Variants in KANSL1 observed in about 807,000 individuals in gnomAD.
KANSL1 encodes MLL1/MLL complex subunit KANSL1.
In KANSL1, 22 loss-of-function variants were observed where a neutral mutation model predicts 103.6. That is an observed-to-expected ratio of 0.21 (90% CI 0.15 to 0.30). The LOEUF (loss-of-function observed/expected upper bound fraction) is 0.30. Among genes scored for constraint, KANSL1 ranks in the 10% least tolerant of loss-of-function variants. KANSL1 has a pLI of 1.00. For synonymous variants in KANSL1, 600 were observed against 527.6 expected, an observed-to-expected ratio of 1.14 and a Z score of -1.88; for missense variants, 1,337 against 1,399.8, an observed-to-expected ratio of 0.96 and a Z score of 0.72.
rs927360678 is a variant in KANSL1 at position 46,038,575 on chromosome 17, G to A, written c.2504C>T (p.Pro835Leu). ...TGTAACCTGTGAGCTAGAGCTGGCG[G>A]GTGCAGGGGAATCTGAGGAGGTGGA... is the stretch of plus-strand genomic sequence containing the variant. ...QLSTSSDSPAPASSSSQVTAS... is the reference protein window; with the variant it reads ...QLSTSSDSPALASSSSQVTAS... Residue 835 changes from proline (P) to leucine (L), a missense_variant, in exon 10 of 15, where the codon CCC becomes CTC. Physicochemically the swap from Pro to Leu is moderately conservative, Grantham distance 98 (BLOSUM62 -3). This residue lies in a region of KANSL1 where 780 missense variants were observed against 923.4 expected (regional missense o/e 0.84). Coordinates refer to ENST00000432791, the MANE Select transcript of KANSL1 (RefSeq NM_015443.4). The A allele has an allele frequency of 3.7e-6, 6 of 1,614,132 alleles. No homozygotes were observed. Among genetic ancestry groups the A allele is most frequent in the South Asian group, 2.2e-5 (2 of 91,080 alleles).
intron 6 of KANSL1, among the ~76,000 whole-genome samples, chr17:46,054,432 C>T (rs79180862): frequency 0.14 from 21,805 of 152,240 alleles, 2,134 homozygotes; most frequent in Non-Finnish European, 0.22. Context: ...AAGTCACTAT[C>T]TTTTCTCAAA....
rs17575822 is a variant in KANSL1, at chr17:46,066,979, A to G, written c.1653-247T>C. Among the ~76,000 whole-genome samples, 21,801 of 152,270 alleles carry G rather than the reference A, an allele frequency of 0.14. 2,131 individuals carry two copies. Among genetic ancestry groups the G allele is most frequent in the Non-Finnish European group, 0.22 (14,748 of 67,994 alleles). ...CATCATGTCTGAAAGATAAAAGTCA[A>G]TAAATAAACTCAAGTTCTAGTGATT... On this transcript the variant is annotated intron_variant, in intron 5 of 14. Coordinates refer to ENST00000432791, the MANE Select transcript of KANSL1 (RefSeq NM_015443.4).
intron 1 of KANSL1, among the ~76,000 whole-genome samples, chr17:46,190,772 C>G (rs1387126379): frequency 6.6e-6 from 1 of 152,222 alleles, no homozygotes; most frequent in African/African-American, 2.4e-5. Context: ...GTCGAAGGAA[C>G]GGCACACTTT....
chr17:46,175,416 C>T (rs781134397), intron 1 of KANSL1, among the ~76,000 whole-genome samples: 2 of 151,626 alleles, frequency 1.3e-5, no homozygotes, highest in African/African-American at 4.9e-5. Context: ...GTGGCGTGAT[C>T]TCGGCTCACT....
intron 1 of KANSL1, among the ~76,000 whole-genome samples, chr17:46,203,934 G>A (rs1344350505): frequency 1.3e-5 from 2 of 152,184 alleles, no homozygotes; most frequent in Non-Finnish European, 2.9e-5. Flanking sequence ...CTAGCTACTT[G>A]GGAGGCTGAG....
At chr17:46,210,268 A>G (rs963698400) in intron 1 of KANSL1, among the ~76,000 whole-genome samples, 1 of 152,090 alleles carries the variant, frequency 6.6e-6, no homozygotes, top group African/African-American at 2.4e-5. Context: ...AGGTCAGGAG[A>G]TCGAGACCAT....
At chr17:46,160,215 C>T (rs2045657716) in intron 2 of KANSL1, among the ~76,000 whole-genome samples, 1 of 152,138 alleles carries the variant, frequency 6.6e-6, no homozygotes, top group African/African-American at 2.4e-5. Flanking sequence ...AATACTAATT[C>T]CTTTCTTTTC....
In KANSL1 at chr17:46,105,945, A is replaced by ACC. The variant is rs1255596930; in HGVS notation, c.1290-11245_1290-11244insGG. 4.4e-5 allele frequency among the ~76,000 whole-genome samples: 4 copies of ACC among 90,284 alleles called. No individual in the cohort carries two copies. In the East Asian group the frequency reaches 9.8e-4, roughly 22 times the overall value. 59.2% of individuals were successfully genotyped at this position (90,284 alleles called of 152,430 possible). On this transcript the variant is annotated intron_variant, in intron 2 of 14. Transcript: ENST00000432791. ...CACACACACACACACACACACACAC[A>ACC]CACCCCCCCAGAAGGGTGAAGGAGC...
chr17:46,166,671 G>C (rs1008315865), intron 2 of KANSL1, among the ~76,000 whole-genome samples: 4 of 152,120 alleles, frequency 2.6e-5, no homozygotes, highest in African/African-American at 9.7e-5. Context: ...ACAAAACACA[G>C]GTTAGCATAA....
At chr17:46,062,110 CAAACAAACAAAAAAAAAA>C (rs1358034453) in intron 6 of KANSL1, among the ~76,000 whole-genome samples, 412 of 22,260 alleles carry the variant, frequency 0.019, 5 homozygotes, top group African/African-American at 0.052. Context: ...AAAAAAAAAA[CAAACAAACAAAAAAAAAA>C]AAAAAACATG....
intron 2 of KANSL1, among the ~76,000 whole-genome samples, chr17:46,108,505 T>C (rs986247911): frequency 2.6e-5 from 4 of 152,228 alleles, no homozygotes; most frequent in African/African-American, 9.7e-5. Context: ...TCATGAAAAT[T>C]ATTTTTAATT....
chr17:46,171,323 A>G lies in KANSL1; in HGVS notation c.821T>C (p.Leu274Pro), dbSNP rs1344372617. 3.1e-6 allele frequency: 5 copies of G among 1,614,072 alleles called. No individual in the cohort carries two copies. The highest frequency in any genetic ancestry group is 3.3e-5 in the Admixed American group (2 of 60,006). ...EGKKSPLSSI[L>P]FSALDSDTRI... ...TGTGTCAGAATCTAAAGCACTGAAA[A>G]GAATGGAAGACAGGGGAGACTTTTT... Residue 274 changes from leucine (L) to proline (P), a missense_variant, in exon 2 of 15, where the codon CTT becomes CCT. Around this residue, in one of 2 missense-constraint regions of KANSL1, gnomAD observed 557 missense variants for 476.4 expected, o/e 1.17. Coordinates refer to ENST00000432791, the MANE Select transcript of KANSL1 (RefSeq NM_015443.4).
intron 3 of KANSL1, among the ~76,000 whole-genome samples, chr17:46,085,024 AT>A (rs1459492060): frequency 6.6e-6 from 1 of 152,156 alleles, no homozygotes; most frequent in African/African-American, 2.4e-5. Flanking sequence ...GCCAAAAATC[AT>A]TTTATTATTC....
At chr17:46,139,294 G>GC (rs149448126) in intron 2 of KANSL1, among the ~76,000 whole-genome samples, 44 of 118,026 alleles carry the variant, frequency 3.7e-4, no homozygotes, top group Non-Finnish European at 5.4e-4. Flanking sequence ...TCTTTCATAG[G>GC]CCAAAAAAAA....
At chr17:46,199,328 C>CTA (rs2047718541) in intron 1 of KANSL1, among the ~76,000 whole-genome samples, 1 of 152,226 alleles carries the variant, frequency 6.6e-6, no homozygotes, top group Non-Finnish European at 1.5e-5. Flanking sequence ...CTAAACCATA[C>CTA]TACCTATTTC....
intron 1 of KANSL1, among the ~76,000 whole-genome samples, chr17:46,220,966 G>T (rs1243259346): frequency 1.3e-5 from 2 of 151,658 alleles, no homozygotes; most frequent in Non-Finnish European, 2.9e-5. Flanking sequence ...GGGATTACAC[G>T]TGTGAGCCAC....
intron 1 of KANSL1, chr17:46,192,613 G>C (rs1483454664): frequency 6.5e-6 from 1 of 153,048 alleles, no homozygotes; most frequent in Non-Finnish European, 1.5e-5. Flanking sequence ...AAGGGCCCCC[G>C]CACACCCCCG....
At chr17:46,216,684 C>A (rs1384752145) in intron 1 of KANSL1, among the ~76,000 whole-genome samples, 2 of 151,982 alleles carry the variant, frequency 1.3e-5, no homozygotes, top group African/African-American at 2.4e-5. Flanking sequence ...TAATCTACTT[C>A]TTTAAGTCAT....
intron 2 of KANSL1, among the ~76,000 whole-genome samples, chr17:46,140,379 T>A (rs1371846188): frequency 6.6e-6 from 1 of 152,116 alleles, no homozygotes. Flanking sequence ...GATTCCTACC[T>A]CACACCATAC....
Sources: allele counts gnomAD v4.1 joint callset (sites outside exome capture counted in the v4.1 genomes callset), GRCh38; gene constraint gnomAD v4.1.1; regional missense constraint gnomAD v4.1.1; transcripts MANE v1.5; gene names NCBI Gene and HGNC (gene_info 2026-07-23, HGNC 2026-07-21).